ECI1: variants seen among roughly 807,000 people sequenced by gnomAD.
ECI1 encodes enoyl-CoA delta isomerase 1, also known as enoyl-CoA delta isomerase 1, mitochondrial.
ECI1 carries 34 observed loss-of-function variants against 34.2 expected under a neutral mutation model. The ratio of observed to expected loss-of-function variants is 1.00; its 90% CI spans 0.76 to 1.33. The LOEUF is 1.33. Ranked by LOEUF, ECI1 falls within the 40% of genes most tolerant of loss-of-function variation. The pLI is 0.00. For missense variants in ECI1, 456 were observed against 422.2 expected, an observed-to-expected ratio of 1.08 and a Z score of -0.70; for synonymous variants, 211 against 193.0, an observed-to-expected ratio of 1.09 and a Z score of -0.77.
At chr16:2,247,940 C>CTTAA (rs2093544082) in intron 2 of ECI1, among the ~76,000 whole-genome samples, 1 of 152,022 alleles carries the variant, frequency 6.6e-6, no homozygotes, top group Non-Finnish European at 1.5e-5. Context: ...AACTCCTGAG[C>CTTAA]TTAAGTGGTC....
intron 6 of ECI1, 69 bp from the exon 7 acceptor site, chr16:2,240,214 T>A: frequency 2.6e-6 from 4 of 1,525,968 alleles, no homozygotes; most frequent in Non-Finnish European, 2.7e-6. Flanking sequence ...CAACTTATTT[T>A]TTATTTTTAT....
chr16:2,240,165 C>T lies in ECI1; in HGVS notation c.743-20G>A. On this transcript the variant is annotated intron_variant, in intron 6 of 6. Coordinates refer to ENST00000301729, the MANE Select transcript of ECI1 (RefSeq NM_001919.4). ...CATGGTCTAAAGAGAATGGGACGTG[C>T]CACTGAAATCCCACTTTCAGGGGCA... 1 of 1,612,122 alleles carries T rather than the reference C, an allele frequency of 6.2e-7. No individual in the cohort carries two copies. The highest frequency in any genetic ancestry group is 8.5e-7 in the Non-Finnish European group (1 of 1,179,784).
intron 4 of ECI1, 26 bp downstream of exon 4, chr16:2,244,380 G>A (rs1301946602): frequency 6.2e-7 from 1 of 1,610,066 alleles, no homozygotes; most frequent in Non-Finnish European, 8.5e-7. Context: ...CAGCCAGCGA[G>A]GCCACCTGGG....
Position 2,251,497 on chromosome 16 carries a change from C to T in ECI1, c.52+18G>A. On this transcript the variant is annotated intron_variant, in intron 1 of 6. Coordinates refer to ENST00000301729, the MANE Select transcript of ECI1 (RefSeq NM_001919.4). ...GCCCCGGCCCCGGCCCGATCCCTGCCCACCCCGGGTTTCGCACCCGCGCGG... is the reference window on the plus strand; with the variant it reads ...GCCCCGGCCCCGGCCCGATCCCTGCTCACCCCGGGTTTCGCACCCGCGCGG... The T allele has an allele frequency of 1.3e-6, 2 of 1,557,818 alleles. No homozygotes were observed. The highest frequency in any genetic ancestry group is 1.7e-6 in the Non-Finnish European group (2 of 1,153,304).
In ECI1 at chr16:2,239,984, C is replaced by T; in HGVS notation, c.904G>A (p.Gly302Ser). ...MYLERLKEEK[G>S] is the part of the protein sequence containing the mutation. ...AGCCTGTGGCAGCCCAATCGTTAGCCTTTTTCTTCTTTGAGCCTCTCTAAG... is the reference window on the plus strand; with the variant it reads ...AGCCTGTGGCAGCCCAATCGTTAGCTTTTTTCTTCTTTGAGCCTCTCTAAG... Residue 302 changes from glycine (G) to serine (S), a missense_variant, in exon 7 of 7, where the codon GGC becomes AGC. Physicochemically the swap from Gly to Ser is moderately conservative, Grantham distance 56 (BLOSUM62 0). Transcript: ENST00000301729. 1.2e-6 allele frequency: 2 copies of T among 1,613,766 alleles called. No individual in the cohort carries two copies. Among genetic ancestry groups the T allele is most frequent in the Non-Finnish European group, 1.7e-6 (2 of 1,180,032 alleles).
At chr16:2,244,794 G>A (rs1337708091) in intron 3 of ECI1, among the ~76,000 whole-genome samples, 1 of 152,330 alleles carries the variant, frequency 6.6e-6, no homozygotes, top group South Asian at 2.1e-4. Context: ...CTGGATAGGA[G>A]AGGACAGGCA....
chr16:2,239,522 G>C lies in ECI1; in HGVS notation c.*457C>G. On this transcript the variant is annotated 3_prime_UTR_variant, in exon 7 of 7. Coordinates refer to ENST00000301729, the MANE Select transcript of ECI1 (RefSeq NM_001919.4). ...GATCCCCCAGTTGCTCTGATTCACT[G>C]TGCGCTCTTCATCCTGATGAGTAAG... 1 of 242,864 alleles carries C rather than the reference G, an allele frequency of 4.1e-6. No individual in the cohort carries two copies. The highest frequency in any genetic ancestry group is 8.2e-6 in the Non-Finnish European group (1 of 121,520). 15.0% of individuals were successfully genotyped at this position (242,864 alleles called of 1,614,324 possible).
chr16:2,244,662 G>T (rs930232433), intron 3 of ECI1, 110 bp from the exon 4 acceptor site: 2 of 1,228,400 alleles, frequency 1.6e-6, no homozygotes, highest in African/African-American at 1.5e-5. Flanking sequence ...GCCAGGTCAC[G>T]CTCAGGGTGT....
rs902294361 is a variant in ECI1, at chr16:2,239,597, G to A, written c.*382C>T. ...TGGGGAGTTCTGTGTGGGTCATGGGGGCCAAGACCACCTGGCCTTACACCT... is the reference window on the plus strand; with the variant it reads ...TGGGGAGTTCTGTGTGGGTCATGGGAGCCAAGACCACCTGGCCTTACACCT... On this transcript the variant is annotated 3_prime_UTR_variant, in exon 7 of 7. Transcript: ENST00000301729. The A allele has an allele frequency of 2.6e-5, 9 of 348,576 alleles. No individual in the cohort carries two copies. The highest frequency in any genetic ancestry group is 1.9e-4 in the African/African-American group (9 of 46,830). The allele number at this position is 348,576 out of a possible 1,614,324, so 21.6% of individuals were successfully genotyped here. A position where few individuals can be genotyped will look rare whatever the true frequency, so the allele number is the denominator to read the frequency against.
At chr16:2,241,962 C>T (rs1438716858) in intron 6 of ECI1, 1 of 152,108 alleles carries the variant, frequency 6.6e-6, no homozygotes, top group Non-Finnish European at 1.5e-5. Context: ...CGGGTTCACG[C>T]CATCCTCCTG....
intron 3 of ECI1, among the ~76,000 whole-genome samples, chr16:2,244,938 C>T (rs538087347): frequency 9.2e-5 from 14 of 152,270 alleles, no homozygotes; most frequent in East Asian, 5.8e-4. Flanking sequence ...ATCATTTACC[C>T]GCAAAGGGCC....
chr16:2,250,311 T>C (rs555503331), intron 2 of ECI1, among the ~76,000 whole-genome samples: 5 of 150,494 alleles, frequency 3.3e-5, no homozygotes, highest in Non-Finnish European at 5.9e-5. Context: ...GGTCTTAGTT[T>C]GTCCCTCTCA....
chr16:2,246,154 T>A (rs2093539749), intron 3 of ECI1, among the ~76,000 whole-genome samples: 1 of 152,222 alleles, frequency 6.6e-6, no homozygotes, highest in Non-Finnish European at 1.5e-5. Flanking sequence ...CACTGCTTAC[T>A]GCCCCTCGGC....
In ECI1 at chr16:2,251,563, C is replaced by T; in HGVS notation, c.4G>A (p.Ala2Thr). M[A>T]LVASVRVPAR... ...GGGACTCGCACAGAAGCCACCAGCG[C>T]CATCTTGACCGCAACGCGCGGGATA... The change falls in exon 1 of 7, where the codon GCG becomes ACG. Residue 2 changes from alanine to threonine, a missense_variant. Transcript: ENST00000301729. 1.3e-6 allele frequency: 2 copies of T among 1,556,462 alleles called. No homozygotes were observed. Among genetic ancestry groups the T allele is most frequent in the East Asian group, 2.4e-5 (1 of 41,490 alleles).
intron 2 of ECI1, among the ~76,000 whole-genome samples, chr16:2,249,109 G>A (rs1194283561): frequency 1.3e-5 from 2 of 152,048 alleles, no homozygotes; most frequent in Admixed American, 6.6e-5. Context: ...GCAGTGGCGC[G>A]ATCTCGGCTT....
At chr16:2,244,370 C>T (rs775271968) in intron 4 of ECI1, 36 bp downstream of exon 4, 4 of 1,606,370 alleles carry the variant, frequency 2.5e-6, no homozygotes, top group Admixed American at 1.7e-5. Context: ...TGGCCCAGAA[C>T]AGCCAGCGAG....
rs147042449 is a variant in ECI1, at chr16:2,239,550, C to T, written c.*429G>A. On this transcript the variant is annotated 3_prime_UTR_variant, in exon 7 of 7. Transcript: ENST00000301729. ...CGCTCTTCATCCTGATGAGTAAGGG[C>T]AGTGACCAAAGGGCTTTTCCCTGGG... The T allele has an allele frequency of 1.0e-5, 3 of 300,238 alleles. No homozygotes were observed. Among genetic ancestry groups the T allele is most frequent in the Non-Finnish European group, 2.0e-5 (3 of 153,638 alleles). The allele number at this position is 300,238 out of a possible 1,614,324, so 18.6% of individuals were successfully genotyped here. A position where few individuals can be genotyped will look rare whatever the true frequency, so the allele number is the denominator to read the frequency against.
chr16:2,251,178 G>A, intron 2 of ECI1, 138 bp downstream of exon 2: 2 of 282,942 alleles, frequency 7.1e-6, no homozygotes, highest in Non-Finnish European at 1.2e-5. Flanking sequence ...AGGTAGAGCG[G>A]CAAGGTTCTG....
Position 2,244,434 on chromosome 16 carries a change from G to C in ECI1, c.413C>G (p.Ser138Cys), listed in dbSNP as rs1333392490. 1 of 1,612,364 alleles carries C rather than the reference G, an allele frequency of 6.2e-7. No individual in the cohort carries two copies. The highest frequency in any genetic ancestry group is 2.2e-5 in the East Asian group (1 of 44,870). Residue 138 changes from serine to cysteine, a missense_variant, in exon 4 of 7, where the codon TCC (serine) becomes TGC (cysteine). Physicochemically the swap from Ser to Cys is moderately radical, Grantham distance 112. Coordinates refer to ENST00000301729, the MANE Select transcript of ECI1 (RefSeq NM_001919.4). ...VQELWLRLYQ[S>C]NLVLVSAING... The stretch of plus-strand genomic sequence containing the variant: ...GATGGCGGAGACCAGCACCAGGTTG[G>C]ACTGGTACAACCGCAGCCACAGCTC...
Sources: gnomAD v4.1 joint callset for allele counts (sites outside exome capture counted in the v4.1 genomes callset) on GRCh38, gnomAD v4.1.1 for gene constraint, MANE v1.5 for transcripts, NCBI Gene and HGNC (gene_info 2026-07-23, HGNC 2026-07-21) for gene names.